SLC24A2: variants seen among roughly 807,000 people sequenced by gnomAD.
SLC24A2 encodes the protein sodium/potassium/calcium exchanger 2.
SLC24A2 carries 36 observed loss-of-function variants against 62.0 expected under a neutral mutation model. That is an observed-to-expected ratio of 0.58 (90% confidence interval 0.44 to 0.77). The LOEUF is 0.77. SLC24A2 is among the 30% of genes least tolerant of loss of function. The pLI, the probability that SLC24A2 is intolerant of heterozygous loss-of-function variation, is 0.00. For missense variants in SLC24A2, 846 were observed against 817.9 expected, an observed-to-expected ratio of 1.03 and a Z score of -0.42; for synonymous variants, 358 against 294.0, an observed-to-expected ratio of 1.22 and a Z score of -2.23.
At chr9:20,303,925 G>A in the SLC24A2 span, among the ~76,000 whole-genome samples, 28 of 152,078 alleles carry the variant, frequency 1.8e-4, no homozygotes, top group Non-Finnish European at 2.4e-4. Flanking sequence ...GGTTTGGATG[G>A]GGCAAGACTT....
the SLC24A2 span, among the ~76,000 whole-genome samples, chr9:19,947,813 AAAG>A: frequency 2.1e-5 from 2 of 96,434 alleles, no homozygotes. Context: ...AAAAAAAAAG[AAAG>A]AAAGAAAGAA....
the SLC24A2 span, among the ~76,000 whole-genome samples, chr9:20,028,854 T>C: frequency 6.6e-6 from 1 of 152,208 alleles, no homozygotes; most frequent in Non-Finnish European, 1.5e-5. Flanking sequence ...TCATTCTCTT[T>C]AAACAACCTG....
At chr9:20,230,272 T>C in the SLC24A2 span, among the ~76,000 whole-genome samples, 1 of 152,194 alleles carries the variant, frequency 6.6e-6, no homozygotes, top group Non-Finnish European at 1.5e-5. Flanking sequence ...CTGGGTCAAA[T>C]GGTATTTCTA....
chr9:19,766,965 C>G (rs922591412), intron 2 of SLC24A2, among the ~76,000 whole-genome samples: 2 of 152,204 alleles, frequency 1.3e-5, no homozygotes, highest in Non-Finnish European at 2.9e-5. Flanking sequence ...ACTGAGGCTG[C>G]TACCTTTCTT....
At chr9:19,876,577 A>T in the SLC24A2 span, among the ~76,000 whole-genome samples, 1 of 152,186 alleles carries the variant, frequency 6.6e-6, no homozygotes, top group Non-Finnish European at 1.5e-5. Context: ...CTTTTACTGA[A>T]TGATGATGTC....
the SLC24A2 span, among the ~76,000 whole-genome samples, chr9:20,006,945 A>C: frequency 1.6e-4 from 24 of 152,192 alleles, no homozygotes; most frequent in Non-Finnish European, 2.9e-4. Flanking sequence ...ATACATATCA[A>C]GGACCTATAA....
At chr9:20,109,807 G>A in the SLC24A2 span, among the ~76,000 whole-genome samples, 3 of 152,066 alleles carry the variant, frequency 2.0e-5, no homozygotes, top group Non-Finnish European at 4.4e-5. Context: ...CAAGGGCGTG[G>A]TCTAGAGGAA....
intron 8 of SLC24A2, among the ~76,000 whole-genome samples, chr9:19,539,733 G>A (rs1460543306): frequency 3.9e-5 from 1 of 25,514 alleles, no homozygotes; most frequent in Non-Finnish European, 8.2e-5. Flanking sequence ...GCTTGGTGCA[G>A]AGCTGAGTTC....
At chr9:19,745,261 A>T (rs1821798500) in intron 2 of SLC24A2, among the ~76,000 whole-genome samples, 1 of 152,158 alleles carries the variant, frequency 6.6e-6, no homozygotes, top group South Asian at 2.1e-4. Flanking sequence ...CTTCTTGTAC[A>T]GCTTGCAGAA....
chr9:19,646,910 A>G (rs1428578527), intron 2 of SLC24A2, among the ~76,000 whole-genome samples: 1 of 152,082 alleles, frequency 6.6e-6, no homozygotes, highest in Non-Finnish European at 1.5e-5. Flanking sequence ...TAGTTACATT[A>G]CTTAACTGGA....
At chr9:20,215,018 C>A in the SLC24A2 span, among the ~76,000 whole-genome samples, 1 of 152,180 alleles carries the variant, frequency 6.6e-6, no homozygotes, top group African/African-American at 2.4e-5. Flanking sequence ...GCTGCTATAA[C>A]AAAATACCAT....
the SLC24A2 span, among the ~76,000 whole-genome samples, chr9:19,839,950 G>C: frequency 5.3e-5 from 8 of 152,156 alleles, no homozygotes. Context: ...TTTGTGGTAA[G>C]CTATATCATC....
the SLC24A2 span, among the ~76,000 whole-genome samples, chr9:20,111,993 A>G: frequency 6.6e-6 from 1 of 152,190 alleles, no homozygotes; most frequent in Admixed American, 6.6e-5. Flanking sequence ...ACGCTTCCAG[A>G]TATAGTTTTG....
intron 2 of SLC24A2, among the ~76,000 whole-genome samples, chr9:19,695,605 G>C (rs1364132988): frequency 7.4e-6 from 1 of 135,532 alleles, no homozygotes; most frequent in Admixed American, 8.1e-5. Context: ...GTAGGGATTT[G>C]TCTCAGAGAA....
At chr9:19,755,592 G>A (rs767853197) in intron 2 of SLC24A2, among the ~76,000 whole-genome samples, 1 of 152,182 alleles carries the variant, frequency 6.6e-6, no homozygotes, top group Non-Finnish European at 1.5e-5. Context: ...GTCCAACGGT[G>A]CTGAAGGATA....
the SLC24A2 span, among the ~76,000 whole-genome samples, chr9:19,837,585 A>G: frequency 1.8e-3 from 277 of 151,906 alleles, 3 homozygotes; most frequent in African/African-American, 6.0e-3. Context: ...AGGCAGGAGA[A>G]GGAAATAAAG....
the SLC24A2 span, among the ~76,000 whole-genome samples, chr9:19,860,973 A>T: frequency 2.6e-5 from 4 of 152,156 alleles, no homozygotes; most frequent in African/African-American, 7.2e-5. Flanking sequence ...TCTAGCCTGG[A>T]TGGCACCTCT....
the SLC24A2 span, among the ~76,000 whole-genome samples, chr9:19,917,830 T>G: frequency 6.6e-6 from 1 of 152,154 alleles, no homozygotes. Context: ...TAACTACAAA[T>G]GTGGCTTTTC....
the SLC24A2 span, among the ~76,000 whole-genome samples, chr9:19,915,941 T>G: frequency 6.6e-6 from 1 of 152,098 alleles, no homozygotes; most frequent in African/African-American, 2.4e-5. Context: ...ATTTATTTAT[T>G]GTGCTTTTGA....
Sources: gnomAD v4.1 joint callset for allele counts (sites outside exome capture counted in the v4.1 genomes callset) on GRCh38, gnomAD v4.1.1 for gene constraint, MANE v1.5 for transcripts, NCBI Gene and HGNC (gene_info 2026-07-23, HGNC 2026-07-21) for gene names.